Variants in CIBAR1 observed in about 807,000 individuals in gnomAD.
CIBAR1 encodes the protein CBY1-interacting BAR domain-containing protein 1.
In CIBAR1, 25 loss-of-function variants were observed where a neutral mutation model predicts 44.0. That is an observed-to-expected ratio of 0.57 (90% CI 0.41 to 0.79). The LOEUF (loss-of-function observed/expected upper bound fraction) is 0.79, where lower values mean the gene tolerates loss of function less well. Ranked by LOEUF, CIBAR1 falls within the 30% of genes least tolerant of loss-of-function variation. The pLI, the probability that CIBAR1 is intolerant of heterozygous loss-of-function variation, is 0.00. For synonymous variants in CIBAR1, 115 were observed against 119.0 expected, an observed-to-expected ratio of 0.97 and a Z score of 0.22; for missense variants, 278 against 344.8, an observed-to-expected ratio of 0.81 and a Z score of 1.53.
chr8:93,718,650 A>G, intron 6 of CIBAR1, 25 bp from the exon 7 acceptor site: 1 of 1,306,576 alleles, frequency 7.7e-7, no homozygotes, highest in Non-Finnish European at 1.1e-6. Flanking sequence ...TCATTGTTTA[A>G]ATTCAATTCT....
chr8:93,702,528 G>C (rs773981637), intron 2 of CIBAR1: 1 of 454,164 alleles, frequency 2.2e-6, no homozygotes, highest in Non-Finnish European at 4.4e-6. Flanking sequence ...AGGTCCTAAT[G>C]AACAATGACA....
intron 1 of CIBAR1, chr8:93,700,994 C>T (rs1316895388): frequency 7.1e-7 from 1 of 1,405,078 alleles, no homozygotes; most frequent in African/African-American, 1.5e-5. Context: ...AGCCACCTCC[C>T]CAGTTAAGGC....
intron 1 of CIBAR1, chr8:93,700,913 C>A: frequency 7.5e-7 from 1 of 1,332,880 alleles, no homozygotes; most frequent in Non-Finnish European, 9.5e-7. Flanking sequence ...GGTCCCCACA[C>A]TGCCGCGGGC....
rs1049009585 is a variant in CIBAR1, at chr8:93,726,598, T to C, written c.777+85T>C. ...CTAAAAATGTTTCCCCTCAGTCATATCACCTCGGTAACTTATCCTCCCCTG... is the reference window on the plus strand; with the variant it reads ...CTAAAAATGTTTCCCCTCAGTCATACCACCTCGGTAACTTATCCTCCCCTG... On this transcript the variant is annotated intron_variant, in intron 8 of 8. Transcript: ENST00000518322. 1.6e-4 allele frequency: 240 copies of C among 1,513,888 alleles called. 2 individuals are homozygous for C. Among genetic ancestry groups the C allele is most frequent in the Admixed American group, 3.5e-4 (18 of 51,338 alleles). 93.8% of individuals were successfully genotyped at this position (1,513,888 alleles called of 1,614,324 possible).
intron 4 of CIBAR1, chr8:93,706,077 T>C (rs1810568196): frequency 6.6e-6 from 1 of 152,224 alleles, no homozygotes; most frequent in African/African-American, 2.4e-5. Flanking sequence ...AGAAACCACA[T>C]GAGGAGTGGC....
chr8:93,701,118 C>A (rs1810333140), intron 1 of CIBAR1, 106 bp from the exon 2 acceptor site: 1 of 1,509,864 alleles, frequency 6.6e-7, no homozygotes, highest in Middle Eastern at 1.7e-4. Context: ...TGGGTTTACG[C>A]CTTCAAAGCT....
intron 7 of CIBAR1, among the ~76,000 whole-genome samples, chr8:93,721,493 T>C (rs1811259640): frequency 6.6e-6 from 1 of 152,208 alleles, no homozygotes; most frequent in Admixed American, 6.5e-5. Flanking sequence ...AAGAGCTCTA[T>C]GTAAAACTAA....
At position 93,728,726 on chromosome 8, in the gene CIBAR1, GA is replaced by G. The variant is rs1347518374; in HGVS notation, c.*437del. On this transcript the variant is annotated 3_prime_UTR_variant, in exon 9 of 9. Transcript: ENST00000518322. ...GGAATTCTATTCCATGAAGCCTTAA[GA>G]AAAAAAACTTTTTTTAACTTTCCCT... 2 of 151,590 alleles carry G rather than the reference GA, an allele frequency of 1.3e-5. No homozygotes were observed. Among genetic ancestry groups the G allele is most frequent in the African/African-American group, 2.4e-5 (1 of 41,240 alleles). 9.4% of individuals were successfully genotyped at this position (151,590 alleles called of 1,614,324 possible).
At position 93,704,974 on chromosome 8, in the gene CIBAR1, A is replaced by T. The variant is rs1180945868; in HGVS notation, c.396A>T (p.Arg132Ser). 1 of 1,613,102 alleles carries T rather than the reference A, an allele frequency of 6.2e-7. No homozygotes were observed. Among genetic ancestry groups the T allele is most frequent in the East Asian group, 2.2e-5 (1 of 44,848 alleles). ...CTAAGCAATTAACTCAGTTAGAAAG[A>T]ACACGTCAGCGAAACCCATCTGATC... ...REAKQLTQLE[R>S]TRQRNPSDRH... Residue 132 changes from arginine to serine, a missense_variant, in exon 4 of 9, where the codon AGA becomes AGT. Around this residue, in one of 3 missense-constraint regions of CIBAR1, gnomAD observed 183 missense variants for 218.6 expected, o/e 0.84. Transcript: ENST00000518322.
rs766695191 is a variant in CIBAR1 at position 93,727,096 on chromosome 8, A to T, written c.777+583A>T. On this transcript the variant is annotated intron_variant, in intron 8 of 8. Transcript: ENST00000518322. ...GTTAAGTAACACATAAAGCAGTATG[A>T]CTGTGTTCTAATAAAATTCTATTTA... 3.7e-5 allele frequency: 27 copies of T among 732,700 alleles called. No homozygotes were observed. The South Asian group carries it at 3.9e-4, about 10-fold the overall frequency. The allele number at this position is 732,700 out of a possible 1,614,324, so 45.4% of individuals were successfully genotyped here.
In CIBAR1 at chr8:93,703,557, G is replaced by A. The variant is rs909048801; in HGVS notation, c.262-63G>A. On this transcript the variant is annotated intron_variant, in intron 2 of 8. Coordinates refer to ENST00000518322, the MANE Select transcript of CIBAR1 (RefSeq NM_145269.5). ...GAGTCTTATCAATTTCTAGTGATTAGCCTTTTATTTATAGGTTAAAATGTT... is the reference window on the plus strand; with the variant it reads ...GAGTCTTATCAATTTCTAGTGATTAACCTTTTATTTATAGGTTAAAATGTT... The A allele has an allele frequency of 8.4e-6, 8 of 949,552 alleles. No individual in the cohort carries two copies. The South Asian group carries it at 8.7e-5, about 10-fold the overall frequency. 58.8% of individuals were successfully genotyped at this position (949,552 alleles called of 1,614,324 possible).
chr8:93,723,003 A>G (rs556877350), intron 7 of CIBAR1, among the ~76,000 whole-genome samples: 1 of 151,954 alleles, frequency 6.6e-6, no homozygotes, highest in African/African-American at 2.4e-5. Context: ...TTATTTATTT[A>G]TTTATTTTTT....
chr8:93,728,270 T>A lies in CIBAR1; in HGVS notation c.843T>A (p.Val281=). 6.3e-7 allele frequency: 1 copy of A among 1,589,884 alleles called. No homozygotes were observed. ...AEDDEDDELD[V]TEEENFLK ...ATGATGAGGATGACGAGTTAGATGT[T>A]ACAGAAGAAGAAAATTTTCTTAAGT... The change falls in exon 9 of 9, where the codon GTT becomes GTA. Residue 281 remains valine (V), a synonymous_variant. Transcript: ENST00000518322.
rs1230633940 is a variant in CIBAR1, at chr8:93,714,317, A to G, written c.544-4358A>G. ...TTTTGTATACTGACTTATGTCTTAC[A>G]ACCTTGCCAAACTTGATTATTAGTT... On this transcript the variant is annotated intron_variant, in intron 6 of 8. Coordinates refer to ENST00000518322, the MANE Select transcript of CIBAR1 (RefSeq NM_145269.5). Among the ~76,000 whole-genome samples, 5 of 152,198 alleles carry G rather than the reference A, an allele frequency of 3.3e-5. No individual in the cohort carries two copies. In the East Asian group the frequency reaches 9.6e-4, roughly 29 times the overall value.
chr8:93,725,589 T>G (rs1811456337), intron 7 of CIBAR1, among the ~76,000 whole-genome samples: 1 of 152,016 alleles, frequency 6.6e-6, no homozygotes, highest in African/African-American at 2.4e-5. Context: ...GTTTTTTAAG[T>G]AGTTATACCT....
chr8:93,703,364 A>G (rs1810445042), intron 2 of CIBAR1, among the ~76,000 whole-genome samples: 1 of 152,222 alleles, frequency 6.6e-6, no homozygotes, highest in South Asian at 2.1e-4. Flanking sequence ...TAACACCCTT[A>G]AACTACTACT....
intron 7 of CIBAR1, among the ~76,000 whole-genome samples, chr8:93,725,642 T>A (rs1328271722): frequency 6.6e-6 from 1 of 152,176 alleles, no homozygotes; most frequent in African/African-American, 2.4e-5. Context: ...AGCTTGTTTT[T>A]TAGGAGAGGG....
rs772387425 is a variant in CIBAR1, at chr8:93,729,359, A to G, written c.*1062A>G. On this transcript the variant is annotated 3_prime_UTR_variant, in exon 9 of 9. Coordinates refer to ENST00000518322, the MANE Select transcript of CIBAR1 (RefSeq NM_145269.5). ...TTTTGTAAAATATTTAAAACATTTT[A>G]AAACCCTAAATTGATATTCTTAAGA... The G allele has an allele frequency of 1.8e-4, 27 of 152,168 alleles. No individual in the cohort carries two copies. The highest frequency in any genetic ancestry group is 3.9e-4 in the Admixed American group (6 of 15,272). The allele number at this position is 152,168 out of a possible 1,614,324, so 9.4% of individuals were successfully genotyped here.
chr8:93,723,383 C>G (rs763865935), intron 7 of CIBAR1, among the ~76,000 whole-genome samples: 14 of 152,122 alleles, frequency 9.2e-5, no homozygotes, highest in Non-Finnish European at 2.1e-4. Context: ...AACCTGTTAA[C>G]CTAATTAGCA....
Sources: allele counts gnomAD v4.1 joint callset (sites outside exome capture counted in the v4.1 genomes callset), GRCh38; gene constraint gnomAD v4.1.1; regional missense constraint gnomAD v4.1.1; transcripts MANE v1.5; gene names NCBI Gene and HGNC (gene_info 2026-07-23, HGNC 2026-07-21).